The following KANK1 variants were observed in gnomAD, a reference collection of about 807,000 sequenced individuals.
KANK1 encodes the protein KN motif and ankyrin repeat domains 1, also known as KN motif and ankyrin repeat domain-containing protein 1.
KANK1 carries 109 observed loss-of-function variants against 106.2 expected under a neutral mutation model. That is an observed-to-expected ratio of 1.03 (90% CI 0.88 to 1.20). The LOEUF (loss-of-function observed/expected upper bound fraction) is 1.20, where lower values mean the gene tolerates loss of function less well. Ranked by LOEUF, KANK1 falls within the 50% of genes most tolerant of loss-of-function variation. The pLI, the probability that KANK1 is intolerant of heterozygous loss-of-function variation, is 0.00. For synonymous variants in KANK1, 873 were observed against 652.2 expected, an observed-to-expected ratio of 1.34 and a Z score of -5.16; for missense variants, 2,399 against 1,710.7, an observed-to-expected ratio of 1.40 and a Z score of -7.10.
chr9:524,165 C>A (rs1458786871), intron 1 of KANK1, among the ~76,000 whole-genome samples: 1 of 151,778 alleles, frequency 6.6e-6, no homozygotes, highest in African/African-American at 2.4e-5. Context: ...GCTTTGGCTA[C>A]CAGGATGCCA....
rs376028331 is a variant in KANK1 at position 694,969 on chromosome 9, C to T, written c.38-15835C>T. ...TAAGAAATTTTGTATCAAGTCTAGTCGACAGTTACTCATAGCCTGGAAGCA... is the reference window on the plus strand; with the variant it reads ...TAAGAAATTTTGTATCAAGTCTAGTTGACAGTTACTCATAGCCTGGAAGCA... On this transcript the variant is annotated intron_variant, in intron 2 of 11. Transcript: ENST00000382297. Among the ~76,000 whole-genome samples the T allele has an allele frequency of 6.4e-4, 98 of 152,176 alleles. 5 individuals are homozygous for T. In the South Asian group the frequency reaches 0.019, roughly 29 times the overall value.
At chr9:525,256 A>T (rs2059735592) in intron 1 of KANK1, among the ~76,000 whole-genome samples, 1 of 151,198 alleles carries the variant, frequency 6.6e-6, no homozygotes, top group Admixed American at 6.6e-5. Context: ...TGGCCTCCCA[A>T]AGTGCTGGGA....
intron 1 of KANK1, among the ~76,000 whole-genome samples, chr9:603,314 T>C (rs554339681): frequency 6.6e-6 from 1 of 151,878 alleles, no homozygotes; most frequent in East Asian, 1.9e-4. Context: ...TTCAGAAACG[T>C]GGCTGGCTGA....
At chr9:718,261 G>C (rs577558689) in intron 3 of KANK1, among the ~76,000 whole-genome samples, 2 of 143,136 alleles carry the variant, frequency 1.4e-5, no homozygotes, top group East Asian at 2.2e-4. Context: ...CAGAAGAGCT[G>C]ACCTCTCATA....
intron 3 of KANK1, chr9:477,865 A>T (rs2058133489): frequency 6.6e-6 from 1 of 152,490 alleles, no homozygotes; most frequent in Non-Finnish European, 1.5e-5. Context: ...CATGCTGCCC[A>T]AGTTCAACCC....
At chr9:522,371 G>T (rs1201873436) in intron 1 of KANK1, among the ~76,000 whole-genome samples, 1 of 151,616 alleles carries the variant, frequency 6.6e-6, no homozygotes, top group East Asian at 1.9e-4. Context: ...CTCTGTGTGG[G>T]GGAGTGCACA....
chr9:693,037 T>C lies in KANK1; in HGVS notation c.37+16028T>C, dbSNP rs577956171. ...TTTTTTTTTTTTTAGGTAATGAATT[T>C]AAATCATTAGGGGAACATACCATTC... On this transcript the variant is annotated intron_variant, in intron 2 of 11. Coordinates refer to ENST00000382297, the MANE Select transcript of KANK1 (RefSeq NM_015158.5). 6.6e-5 allele frequency among the ~76,000 whole-genome samples: 10 copies of C among 152,192 alleles called. No homozygotes were observed. In the East Asian group the frequency reaches 1.9e-3, roughly 29 times the overall value.
rs776130512 is a variant in KANK1 at position 740,904 on chromosome 9, C to T, written c.3666C>T (p.Gly1222=). The change falls in exon 9 of 12, where the codon GGC becomes GGT. Residue 1222 remains glycine (G), a synonymous_variant. Transcript: ENST00000382297. ...KDMRIVEELF[G]CGDVNAKASQ... ...TGCGGATTGTGGAAGAACTCTTCGGCTGTGGGGATGTGAATGCCAAAGCTA... is the reference window on the plus strand; with the variant it reads ...TGCGGATTGTGGAAGAACTCTTCGGTTGTGGGGATGTGAATGCCAAAGCTA... The T allele has an allele frequency of 2.5e-6, 4 of 1,614,048 alleles. No homozygotes were observed. In the African/African-American group the frequency reaches 4.0e-5, roughly 16 times the overall value.
At position 743,623 on chromosome 9, in the gene KANK1, G is replaced by A. The variant is rs536049868; in HGVS notation, c.3898-868G>A. ...GTCACTCCTGTAATTCCAGCACCTT[G>A]GGAGGCTGAGACAGGAGGATCGCTC... On this transcript the variant is annotated intron_variant, in intron 10 of 11. Transcript: ENST00000382297. Among the ~76,000 whole-genome samples the A allele has an allele frequency of 7.9e-5, 12 of 152,290 alleles. No individual in the cohort carries two copies. The East Asian group carries it at 1.5e-3, about 20-fold the overall frequency.
chr9:531,268 T>C (rs1587557958), intron 1 of KANK1, among the ~76,000 whole-genome samples: 1 of 151,928 alleles, frequency 6.6e-6, no homozygotes, highest in Admixed American at 6.6e-5. Context: ...GCAAGAACCT[T>C]CCCTCTATAA....
chr9:656,631 G>C (rs1397000424), intron 1 of KANK1, among the ~76,000 whole-genome samples: 2 of 152,028 alleles, frequency 1.3e-5, no homozygotes, highest in African/African-American at 4.8e-5. Context: ...CTCCCTCCCG[G>C]TGCCTGAATA....
chr9:637,421 T>C (rs1837405959), intron 1 of KANK1, among the ~76,000 whole-genome samples: 1 of 152,214 alleles, frequency 6.6e-6, no homozygotes, highest in African/African-American at 2.4e-5. Flanking sequence ...TGATGACTGA[T>C]AGCTGATGTC....
chr9:572,263 C>A (rs893757134), intron 1 of KANK1, among the ~76,000 whole-genome samples: 6 of 151,088 alleles, frequency 4.0e-5, no homozygotes, highest in African/African-American at 1.2e-4. Context: ...TCAAGGCATC[C>A]TCCTGCCTCA....
intron 1 of KANK1, among the ~76,000 whole-genome samples, chr9:672,332 G>A (rs1047020099): frequency 1.3e-5 from 2 of 152,188 alleles, no homozygotes; most frequent in Non-Finnish European, 2.9e-5. Flanking sequence ...TCCCTTGAAT[G>A]TAACAATTGC....
chr9:687,760 C>T (rs1489641461), intron 2 of KANK1, among the ~76,000 whole-genome samples: 3 of 152,202 alleles, frequency 2.0e-5, no homozygotes, highest in Non-Finnish European at 4.4e-5. Flanking sequence ...TCCTCTCTTC[C>T]TCTTCTTTAT....
chr9:626,837 A>G (rs1227440591), intron 1 of KANK1, among the ~76,000 whole-genome samples: 2 of 152,222 alleles, frequency 1.3e-5, no homozygotes, highest in Non-Finnish European at 1.5e-5. Context: ...TGCTTTCACA[A>G]TAGCAGATTG....
rs1369254113 is a variant in KANK1 at position 617,577 on chromosome 9, T to C, written c.-83-59313T>C. 3.3e-5 allele frequency among the ~76,000 whole-genome samples: 5 copies of C among 152,288 alleles called. No homozygotes were observed. In the East Asian group the frequency reaches 9.7e-4, roughly 29 times the overall value. On this transcript the variant is annotated intron_variant, in intron 1 of 11. Transcript: ENST00000382297. Reference sequence around the variant, plus strand: ...CAGTATCACCTTTACAGCTACTTGATGGTGATCAAGAGCCAGCTGCTCTTC... The same window carrying C: ...CAGTATCACCTTTACAGCTACTTGACGGTGATCAAGAGCCAGCTGCTCTTC...
chr9:612,805 C>G (rs1017552489), intron 1 of KANK1, among the ~76,000 whole-genome samples: 1 of 152,040 alleles, frequency 6.6e-6, no homozygotes, highest in Non-Finnish European at 1.5e-5. Flanking sequence ...CTTTCGAACC[C>G]CAGTTTAGAC....
intron 1 of KANK1, among the ~76,000 whole-genome samples, chr9:601,161 G>T (rs1827644262): frequency 6.6e-6 from 1 of 151,816 alleles, no homozygotes; most frequent in African/African-American, 2.4e-5. Flanking sequence ...TGCAAAGGTA[G>T]TACGGGGCTC....
Sources: allele counts gnomAD v4.1 joint callset (sites outside exome capture counted in the v4.1 genomes callset), GRCh38; gene constraint gnomAD v4.1.1; transcripts MANE v1.5; gene names NCBI Gene and HGNC (gene_info 2026-07-23, HGNC 2026-07-21).